ITPR1: variants seen among roughly 807,000 people sequenced by gnomAD.
ITPR1 encodes inositol 1,4,5-trisphosphate receptor type 1.
Under a neutral mutation model 318.4 loss-of-function variants are expected in ITPR1, and 96 were observed. The observed-to-expected ratio is 0.30, with a 90% CI of 0.26 to 0.36. The LOEUF is 0.36. Ranked by LOEUF, ITPR1 falls within the 10% of genes least tolerant of loss-of-function variation. The pLI is 1.00. For missense variants in ITPR1, 2,440 were observed against 3,460.2 expected (o/e 0.71, Z 7.40); for synonymous variants, 1,312 against 1,289.9 (o/e 1.02, Z -0.37).
chr3:4,832,592 G>A (rs576868701), intron 60 of ITPR1, among the ~76,000 whole-genome samples: 37 of 152,032 alleles, frequency 2.4e-4, no homozygotes, highest in Non-Finnish European at 3.4e-4. Flanking sequence ...CTGAGATGGC[G>A]CCACTGCACT....
At chr3:4,628,439 A>G (rs1037999338) in intron 5 of ITPR1, among the ~76,000 whole-genome samples, 2 of 152,206 alleles carry the variant, frequency 1.3e-5, no homozygotes, top group South Asian at 2.1e-4. Flanking sequence ...GTGTGACCAT[A>G]GCAAGTTTTT....
intron 4 of ITPR1, among the ~76,000 whole-genome samples, chr3:4,596,344 T>G (rs1042171225): frequency 6.6e-6 from 1 of 152,172 alleles, no homozygotes; most frequent in Non-Finnish European, 1.5e-5. Context: ...AAAGTATTAG[T>G]TTTTAAAAAT....
chr3:4,494,722 G>A (rs976679490), intron 2 of ITPR1, among the ~76,000 whole-genome samples: 3 of 152,164 alleles, frequency 2.0e-5, no homozygotes, highest in Non-Finnish European at 2.9e-5. Flanking sequence ...AATTGAAGGA[G>A]CCTGAAAGTT....
At position 4,670,630 on chromosome 3, in the gene ITPR1, C is replaced by CA. The variant is rs372007497; in HGVS notation, c.2007-94dup. On this transcript the variant is annotated intron_variant, in intron 19 of 61. Transcript: ENST00000649015. ...CTCTGCCCTTGGGGGAAATACAAAA[C>CA]AAAAAGTGTCTTTCCATGTGTCTTT... is the stretch of plus-strand genomic sequence containing the variant. 4.1e-4 allele frequency: 370 copies of CA among 897,244 alleles called. 3 individuals carry two copies. In the African/African-American group the frequency reaches 5.5e-3, roughly 13 times the overall value. The allele number at this position is 897,244 out of a possible 1,614,324, so 55.6% of individuals were successfully genotyped here. A position where few individuals can be genotyped will look rare whatever the true frequency, so the allele number is the denominator to read the frequency against.
chr3:4,775,483 C>A (rs758895541), intron 47 of ITPR1, 41 bp downstream of exon 47: 1 of 1,495,612 alleles, frequency 6.7e-7, no homozygotes, highest in South Asian at 1.2e-5. Flanking sequence ...AAAAAGTGTC[C>A]CATTTTGGAA....
At position 4,639,522 on chromosome 3, in the gene ITPR1, A is replaced by G. The variant is rs1173187995; in HGVS notation, c.366+52A>G. 8 of 1,334,814 alleles carry G rather than the reference A, an allele frequency of 6.0e-6. No individual in the cohort carries two copies. The East Asian group carries it at 2.0e-4, about 33-fold the overall frequency. 82.7% of individuals were successfully genotyped at this position (1,334,814 alleles called of 1,614,324 possible). On this transcript the variant is annotated intron_variant, in intron 6 of 61. Transcript: ENST00000649015. ...GAAGCTGAAGCGTTACAAAGAATGCAGCTGAGGAAACAAACACCTAAGACA... is the reference window on the plus strand; with the variant it reads ...GAAGCTGAAGCGTTACAAAGAATGCGGCTGAGGAAACAAACACCTAAGACA...
At chr3:4,689,423 A>G (rs954899645) in intron 31 of ITPR1, among the ~76,000 whole-genome samples, 3 of 152,204 alleles carry the variant, frequency 2.0e-5, no homozygotes, top group African/African-American at 7.2e-5. Context: ...AATCTGAAAG[A>G]CTCCAAAATT....
chr3:4,537,628 GGATTC>G (rs1470941264), intron 4 of ITPR1, among the ~76,000 whole-genome samples: 14 of 152,176 alleles, frequency 9.2e-5, no homozygotes, highest in Admixed American at 6.5e-4. Context: ...AGAAGCAGGA[GGATTC>G]GAGTTAATAG....
At chr3:4,612,015 A>T (rs910717016) in intron 4 of ITPR1, among the ~76,000 whole-genome samples, 3 of 151,478 alleles carry the variant, frequency 2.0e-5, no homozygotes, top group African/African-American at 7.3e-5. Context: ...TAATACAACA[A>T]TTAAAAATAA....
intron 4 of ITPR1, among the ~76,000 whole-genome samples, chr3:4,564,260 GGCAT>G (rs2086990048): frequency 1.3e-5 from 2 of 152,138 alleles, no homozygotes; most frequent in Admixed American, 1.3e-4. Context: ...TCCTTCTGAA[GGCAT>G]AGGAAGAAAT....
intron 4 of ITPR1, among the ~76,000 whole-genome samples, chr3:4,556,530 T>C (rs564321079): frequency 6.6e-6 from 1 of 151,912 alleles, no homozygotes; most frequent in South Asian, 2.1e-4. Flanking sequence ...CTAGTTTTGC[T>C]TTTTCCAGAA....
chr3:4,495,885 C>T (rs75692303), intron 2 of ITPR1, among the ~76,000 whole-genome samples: 1 of 152,274 alleles, frequency 6.6e-6, no homozygotes, highest in East Asian at 1.9e-4. Context: ...GGTAAACTTA[C>T]TGCTACTGAT....
At chr3:4,547,839 A>C (rs551629517) in intron 4 of ITPR1, among the ~76,000 whole-genome samples, 20 of 152,166 alleles carry the variant, frequency 1.3e-4, no homozygotes, top group Non-Finnish European at 2.5e-4. Flanking sequence ...TGGAATATCA[A>C]ACAGGACACC....
intron 44 of ITPR1, among the ~76,000 whole-genome samples, chr3:4,744,328 G>T (rs1219359297): frequency 1.3e-5 from 2 of 152,180 alleles, no homozygotes; most frequent in African/African-American, 4.8e-5. Flanking sequence ...TCTTCCTTCT[G>T]GTCTAGCAAG....
At chr3:4,610,957 TCCCCTTC>T (rs1245041599) in intron 4 of ITPR1, among the ~76,000 whole-genome samples, 1 of 55,612 alleles carries the variant, frequency 1.8e-5, no homozygotes. Flanking sequence ...CCCTTCCCCT[TCCCCTTC>T]CCCCTTCCCC....
chr3:4,653,557 T>C lies in ITPR1; in HGVS notation c.952-285T>C, dbSNP rs76660424. Among the ~76,000 whole-genome samples, 1,174 of 152,322 alleles carry C rather than the reference T, an allele frequency of 7.7e-3. 9 individuals carry two copies. Among genetic ancestry groups the C allele is most frequent in the African/African-American group, 0.027 (1,133 of 41,554 alleles). Reference sequence around the variant, plus strand: ...AGGATTATCAGTGACTGTGTATTGATCTTTTATTCATCTCAGGCTTTTAAC... The same window carrying C: ...AGGATTATCAGTGACTGTGTATTGACCTTTTATTCATCTCAGGCTTTTAAC... On this transcript the variant is annotated intron_variant, in intron 11 of 61. Transcript: ENST00000649015.
At chr3:4,819,439 T>C (rs1042345276) in intron 60 of ITPR1, among the ~76,000 whole-genome samples, 2 of 152,216 alleles carry the variant, frequency 1.3e-5, no homozygotes, top group Non-Finnish European at 2.9e-5. Flanking sequence ...GGACTTGAGA[T>C]ATTCTGCATT....
chr3:4,661,024 T>TA lies in ITPR1; in HGVS notation c.1189dup (p.Thr397AsnfsTer11). 6.2e-7 allele frequency: 1 copy of TA among 1,610,262 alleles called. No homozygotes were observed. Among genetic ancestry groups the TA allele is most frequent in the Non-Finnish European group, 8.5e-7 (1 of 1,176,680 alleles). On this transcript the variant is annotated frameshift_variant, in exon 14 of 62. Coordinates refer to ENST00000649015, the MANE Select transcript of ITPR1 (RefSeq NM_001378452.1). LOFTEE classifies it high-confidence loss of function. ...TTCGGCTCAGACACCTATGTACTAATACCTGGGTTCACAGCACAAATATTC... is the reference window on the plus strand; with the variant it reads ...TTCGGCTCAGACACCTATGTACTAATAACCTGGGTTCACAGCACAAATATTC...
chr3:4,684,457 G>A (rs1478173515), intron 29 of ITPR1, 111 bp downstream of exon 29: 3 of 747,562 alleles, frequency 4.0e-6, no homozygotes, highest in Admixed American at 4.6e-5. Flanking sequence ...TTCTTCATGT[G>A]GTTTAACAGG....
Sources: gnomAD v4.1 joint callset for allele counts (sites outside exome capture counted in the v4.1 genomes callset) on GRCh38, gnomAD v4.1.1 for gene constraint, MANE v1.5 for transcripts, NCBI Gene and HGNC (gene_info 2026-07-23, HGNC 2026-07-21) for gene names.